BBS9: variants seen among roughly 807,000 people sequenced by gnomAD.
BBS9 encodes the protein Bardet-Biedl syndrome 9.
Under a neutral mutation model 117.7 loss-of-function variants are expected in BBS9, and 89 were observed. The observed-to-expected ratio is 0.76, with a 90% CI of 0.64 to 0.90. The LOEUF is 0.90. Among genes scored for constraint, BBS9 ranks in the 40% least tolerant of loss-of-function variants. The pLI, the probability that BBS9 is intolerant of heterozygous loss-of-function variation, is 0.00. For synonymous variants in BBS9, 379 were observed against 370.9 expected (o/e 1.02, Z -0.25); for missense variants, 982 against 1,042.2 (o/e 0.94, Z 0.80).
At chr7:33,182,069 A>G (rs1165858176) in intron 5 of BBS9, among the ~76,000 whole-genome samples, 1 of 152,096 alleles carries the variant, frequency 6.6e-6, no homozygotes, top group Non-Finnish European at 1.5e-5. Flanking sequence ...CCTGGGTGAC[A>G]GAGCGAGACT....
intron 5 of BBS9, among the ~76,000 whole-genome samples, chr7:33,251,388 T>C (rs888772989): frequency 3.3e-5 from 5 of 152,318 alleles, no homozygotes; most frequent in Middle Eastern, 3.4e-3. Flanking sequence ...GGGGTACTAA[T>C]TGGTTTACAT....
At chr7:33,426,544 C>A (rs1833684529) in intron 19 of BBS9, among the ~76,000 whole-genome samples, 1 of 151,608 alleles carries the variant, frequency 6.6e-6, no homozygotes, top group Non-Finnish European at 1.5e-5. Flanking sequence ...AAGGAATATT[C>A]TTCTGGGAGA....
chr7:33,533,241 G>A (rs568810191), intron 20 of BBS9, among the ~76,000 whole-genome samples: 52 of 152,288 alleles, frequency 3.4e-4, no homozygotes, highest in Middle Eastern at 3.4e-3. Context: ...TTGTGCTGAC[G>A]TTCCTGAATT....
chr7:33,587,787 T>G (rs150038124), intron 21 of BBS9, among the ~76,000 whole-genome samples: 1 of 152,182 alleles, frequency 6.6e-6, no homozygotes, highest in African/African-American at 2.4e-5. Context: ...TAGAGATTTA[T>G]GCTAGTAAAG....
chr7:33,183,544 C>A (rs750644351), intron 5 of BBS9, among the ~76,000 whole-genome samples: 13 of 152,140 alleles, frequency 8.5e-5, no homozygotes, highest in Non-Finnish European at 1.8e-4. Context: ...TTAAATGTTA[C>A]CAAAAGTAAC....
chr7:33,498,373 C>CAGTCATTTA (rs1261153152), intron 19 of BBS9, among the ~76,000 whole-genome samples: 1 of 152,072 alleles, frequency 6.6e-6, no homozygotes, highest in Non-Finnish European at 1.5e-5. Flanking sequence ...TATTACAATT[C>CAGTCATTTA]AGTCATTTAA....
chr7:33,153,886 G>A, intron 3 of BBS9, among the ~76,000 whole-genome samples: 1 of 152,228 alleles, frequency 6.6e-6, no homozygotes. Context: ...ATGTGCCTAG[G>A]ACATATTAGG....
At chr7:33,262,416 G>A (rs1798110246) in intron 6 of BBS9, among the ~76,000 whole-genome samples, 1 of 152,152 alleles carries the variant, frequency 6.6e-6, no homozygotes, top group African/African-American at 2.4e-5. Flanking sequence ...ATTGCCTAGG[G>A]TTAGATCCAT....
At chr7:33,152,515 C>T (rs1394596028) in intron 2 of BBS9, among the ~76,000 whole-genome samples, 186 bp from the exon 3 acceptor site, 1 of 152,140 alleles carries the variant, frequency 6.6e-6, no homozygotes, top group African/African-American at 2.4e-5. Context: ...TTTATGAAAG[C>T]TGTGTGTTAT....
At chr7:33,605,045 C>A in intron 22 of BBS9, 70 bp downstream of exon 22, 1 of 1,491,548 alleles carries the variant, frequency 6.7e-7, no homozygotes, top group East Asian at 2.3e-5. Context: ...CAGTTTTTGT[C>A]ATACCAGAGA....
chr7:33,331,028 C>T (rs1286649766), intron 9 of BBS9, among the ~76,000 whole-genome samples: 1 of 152,146 alleles, frequency 6.6e-6, no homozygotes, highest in Non-Finnish European at 1.5e-5. Flanking sequence ...CAACAAAATA[C>T]TAGCTAACCG....
intron 21 of BBS9, among the ~76,000 whole-genome samples, chr7:33,590,771 A>G (rs1861774709): frequency 1.3e-5 from 2 of 151,860 alleles, no homozygotes; most frequent in Admixed American, 1.3e-4. Flanking sequence ...AATCTTTACA[A>G]TACCCTATGA....
intron 9 of BBS9, among the ~76,000 whole-genome samples, chr7:33,323,266 G>T (rs1812109111): frequency 6.6e-6 from 1 of 152,078 alleles, no homozygotes; most frequent in Admixed American, 6.6e-5. Context: ...TGTAATGCTG[G>T]TTAATCCGAT....
chr7:33,312,597 C>G (rs1190403828), intron 9 of BBS9, among the ~76,000 whole-genome samples: 1 of 152,130 alleles, frequency 6.6e-6, no homozygotes, highest in African/African-American at 2.4e-5. Context: ...GCCTTATGCA[C>G]CTTTCATTTT....
chr7:33,462,985 G>A (rs948043478), intron 19 of BBS9, among the ~76,000 whole-genome samples: 1 of 152,062 alleles, frequency 6.6e-6, no homozygotes, highest in African/African-American at 2.4e-5. Flanking sequence ...AGGACAGTAG[G>A]GACAAGCTAG....
intron 15 of BBS9, among the ~76,000 whole-genome samples, chr7:33,357,372 C>A (rs1819787276): frequency 6.6e-6 from 1 of 151,618 alleles, no homozygotes; most frequent in Admixed American, 6.6e-5. Flanking sequence ...TAATCTGAAT[C>A]TTCATCAAGT....
intron 21 of BBS9, among the ~76,000 whole-genome samples, chr7:33,544,745 C>T (rs1853006333): frequency 6.6e-6 from 1 of 152,068 alleles, no homozygotes; most frequent in Non-Finnish European, 1.5e-5. Context: ...TGGGTGGGGC[C>T]CTAGAACTCC....
At chr7:33,466,968 C>T (rs778773501) in intron 19 of BBS9, among the ~76,000 whole-genome samples, 2 of 152,110 alleles carry the variant, frequency 1.3e-5, no homozygotes, top group Admixed American at 6.6e-5. Flanking sequence ...ACCCCTTCCT[C>T]CCACAATACA....
intron 20 of BBS9, among the ~76,000 whole-genome samples, chr7:33,520,070 G>T (rs1848384017): frequency 6.7e-6 from 1 of 149,324 alleles, no homozygotes. Flanking sequence ...GTGCAGTGAT[G>T]CGATCTCAGC....
Sources: allele counts gnomAD v4.1 joint callset (sites outside exome capture counted in the v4.1 genomes callset), GRCh38; gene constraint gnomAD v4.1.1; transcripts MANE v1.5; gene names NCBI Gene and HGNC (gene_info 2026-07-23, HGNC 2026-07-21).